STS: variants seen among roughly 807,000 people sequenced by gnomAD.
STS encodes steroid sulfatase.
STS carries 7 observed loss-of-function variants against 26.8 expected under a neutral mutation model. That is an observed-to-expected ratio of 0.26 (90% CI 0.15 to 0.49). The LOEUF is 0.49. STS is among the 20% of genes least tolerant of loss of function. STS has a pLI of 0.98. For missense variants in STS, 434 were observed against 465.6 expected, an observed-to-expected ratio of 0.93 and a Z score of 0.63; for synonymous variants, 199 against 189.4, an observed-to-expected ratio of 1.05 and a Z score of -0.42.
chrX:7,333,857 C>T (rs1927879032), intron 9 of STS, 129 bp from the exon 10 acceptor site: 3 of 915,841 alleles, frequency 3.3e-6, no homozygotes, highest in Admixed American at 2.5e-5. Context: ...TTGCACAGGG[C>T]ACCCAGGTGG....
chrX:7,259,441 T>G lies in STS; in HGVS notation c.475T>G (p.Leu159Val). The stretch of plus-strand genomic sequence containing the variant: ...CTTCAATTATTTCTATGGGATCTCT[T>G]TGACCAATCTGAGAGACTGCAAGCC... Reference protein sequence around the residue: ...HGFNYFYGISLTNLRDCKPGE... With the variant: ...HGFNYFYGISVTNLRDCKPGE... Residue 159 changes from leucine (L) to valine (V), a missense_variant, in exon 6 of 11, where the codon TTG becomes GTG. Physicochemically the swap from Leu to Val is conservative, Grantham distance 32. This residue lies in a region of STS where 229 missense variants were observed against 288.3 expected (regional missense o/e 0.79). Transcript: ENST00000674429. The G allele has an allele frequency of 8.3e-7, 1 of 1,211,444 alleles. No individual in the cohort carries two copies.
At chrX:7,295,633 C>T (rs1329306475) in intron 7 of STS, among the ~76,000 whole-genome samples, 2 of 110,611 alleles carry the variant, frequency 1.8e-5, no homozygotes, top group African/African-American at 3.3e-5. Context: ...GTAGGACCCA[C>T]GGTCCCTAGA....
intron 2 of STS, among the ~76,000 whole-genome samples, chrX:7,205,566 G>A (rs1385166533): frequency 9.6e-6 from 1 of 104,476 alleles, no homozygotes; most frequent in Non-Finnish European, 2.0e-5. Flanking sequence ...AAAACTGTAG[G>A]TTGGAAATTA....
In STS at chrX:7,206,353, G is replaced by A. The variant is rs802882; in HGVS notation, c.-5+15345G>A. 1.4e-4 allele frequency among the ~76,000 whole-genome samples: 15 copies of A among 110,940 alleles called. 1 individual carries two copies. The highest frequency in any genetic ancestry group is 1.2e-3 in the Admixed American group (13 of 10,526). On this transcript the variant is annotated intron_variant, in intron 2 of 10. Coordinates refer to ENST00000674429, the MANE Select transcript of STS (RefSeq NM_001320752.2). ...TTGAGATGTCCTCACCTTGATCTTC[G>A]CAGCATTCTGCTGAATTACTTCATT...
chrX:7,228,962 T>A (rs1301123589), intron 2 of STS, among the ~76,000 whole-genome samples: 2 of 112,338 alleles, frequency 1.8e-5, no homozygotes, highest in African/African-American at 6.5e-5. Context: ...TCTGTTTGTT[T>A]CTTCTTTTGT....
chrX:7,317,884 T>C (rs2147153001), intron 8 of STS, among the ~76,000 whole-genome samples: 1 of 112,035 alleles, frequency 8.9e-6, no homozygotes, highest in South Asian at 3.8e-4. Flanking sequence ...CAGTGGGTAT[T>C]ATCTGAGCTA....
intron 10 of STS, among the ~76,000 whole-genome samples, chrX:7,346,937 C>T (rs1160662260): frequency 2.7e-5 from 3 of 110,620 alleles, no homozygotes; most frequent in Non-Finnish European, 5.7e-5. Flanking sequence ...GGCCTGGTGG[C>T]ATACACCTGT....
chrX:7,292,193 G>A (rs1181196645), intron 7 of STS, among the ~76,000 whole-genome samples: 1 of 112,915 alleles, frequency 8.9e-6, no homozygotes, highest in East Asian at 2.8e-4. Flanking sequence ...TGGAAACAGA[G>A]AGAATTGCCA....
intron 6 of STS, among the ~76,000 whole-genome samples, chrX:7,272,884 T>A (rs944061329): frequency 4.5e-5 from 5 of 111,596 alleles, no homozygotes; most frequent in Admixed American, 9.5e-5. Flanking sequence ...CAGTGGCTCA[T>A]ACCTGTAATC....
At chrX:7,288,002 G>A (rs1489392328) in intron 7 of STS, among the ~76,000 whole-genome samples, 1 of 110,462 alleles carries the variant, frequency 9.1e-6, no homozygotes, top group South Asian at 3.8e-4. Flanking sequence ...TCTATTGTGT[G>A]TAGGGTTAGT....
chrX:7,307,115 T>G (rs919835033), intron 8 of STS, among the ~76,000 whole-genome samples: 1 of 111,307 alleles, frequency 9.0e-6, no homozygotes, highest in Non-Finnish European at 1.9e-5. Flanking sequence ...ACAACCTTCA[T>G]AGGCTGCTCA....
chrX:7,250,738 A>G (rs1214623205), intron 2 of STS, among the ~76,000 whole-genome samples: 1 of 112,621 alleles, frequency 8.9e-6, no homozygotes, highest in Non-Finnish European at 1.9e-5. Context: ...GTCTGTATGG[A>G]GACCTTAATT....
intron 2 of STS, among the ~76,000 whole-genome samples, chrX:7,193,611 A>C (rs1933918365): frequency 9.0e-6 from 1 of 111,619 alleles, no homozygotes; most frequent in South Asian, 3.8e-4. Flanking sequence ...AGCATTCATT[A>C]TCCTTTCCTA....
At chrX:7,173,511 A>G (rs112893733) in intron 1 of STS, among the ~76,000 whole-genome samples, 2,727 of 112,096 alleles carry the variant, frequency 0.024, 51 homozygotes, top group Non-Finnish European at 0.037. Context: ...TTGAGGAATC[A>G]CCACACTGTC....
At chrX:7,217,898 T>C (rs752502838) in intron 2 of STS, among the ~76,000 whole-genome samples, 2 of 111,945 alleles carry the variant, frequency 1.8e-5, no homozygotes, top group African/African-American at 6.5e-5. Context: ...CAAATACCAA[T>C]ATGATCTTCA....
intron 2 of STS, among the ~76,000 whole-genome samples, chrX:7,241,720 T>G (rs1313002448): frequency 8.9e-6 from 1 of 112,067 alleles, no homozygotes; most frequent in African/African-American, 3.2e-5. Context: ...TTAAAGCAAC[T>G]TGCGTTTGTT....
intron 2 of STS, among the ~76,000 whole-genome samples, chrX:7,241,097 A>C (rs1481377299): frequency 9.0e-6 from 1 of 111,480 alleles, no homozygotes; most frequent in Admixed American, 9.6e-5. Flanking sequence ...CAACCAACCA[A>C]TGCGCACAGT....
chrX:7,334,911 C>T (rs972719050), intron 10 of STS, among the ~76,000 whole-genome samples: 3 of 112,225 alleles, frequency 2.7e-5, no homozygotes, highest in African/African-American at 9.7e-5. Flanking sequence ...CATACAGGAA[C>T]AAATGGTTTA....
chrX:7,272,130 A>C (rs1406470261), intron 6 of STS, among the ~76,000 whole-genome samples: 2 of 109,467 alleles, frequency 1.8e-5, no homozygotes, highest in Non-Finnish European at 3.8e-5. Context: ...AGTATTTGTG[A>C]CACCCAGTCC....
Sources: allele counts gnomAD v4.1 joint callset (sites outside exome capture counted in the v4.1 genomes callset), GRCh38; gene constraint gnomAD v4.1.1; regional missense constraint gnomAD v4.1.1; transcripts MANE v1.5; gene names NCBI Gene and HGNC (gene_info 2026-07-23, HGNC 2026-07-21).